GARIN1B: variants seen among roughly 807,000 people sequenced by gnomAD.
GARIN1B encodes golgi associated RAB2 interactor 1B, also known as Golgi-associated RAB2 interactor protein 1B.
chr7:128,727,104 C>T, the GARIN1B span, among the ~76,000 whole-genome samples: 2 of 152,180 alleles, frequency 1.3e-5, no homozygotes, highest in South Asian at 4.1e-4. Flanking sequence ...TTCATTTCTA[C>T]ACCCACAGAC....
chr7:128,714,573 C>A, the GARIN1B span, among the ~76,000 whole-genome samples: 1 of 59,188 alleles, frequency 1.7e-5, no homozygotes, highest in Non-Finnish European at 3.4e-5. Context: ...GAGCGAGACT[C>A]CATCTCAAAA....
chr7:128,709,885 G>A, the GARIN1B span, among the ~76,000 whole-genome samples: 4 of 151,828 alleles, frequency 2.6e-5, no homozygotes, highest in African/African-American at 9.7e-5. Flanking sequence ...CTGAGTAGCT[G>A]GGATTACAGG....
chr7:128,710,532 TATG>T, the GARIN1B span, among the ~76,000 whole-genome samples: 10 of 151,986 alleles, frequency 6.6e-5, no homozygotes, highest in African/African-American at 2.4e-4. Flanking sequence ...AGCTTTATTG[TATG>T]ATATTTATCC....
chr7:128,728,574 G>A, the GARIN1B span, among the ~76,000 whole-genome samples: 19,435 of 152,252 alleles, frequency 0.13, 1,602 homozygotes, highest in Admixed American at 0.21. Context: ...ACAGCAGGGA[G>A]TGGTGGGGAT....
At chr7:128,723,285 T>A in the GARIN1B span, 2 of 1,613,004 alleles carry the variant, frequency 1.2e-6, no homozygotes, top group African/African-American at 1.3e-5. Flanking sequence ...CTGTCTCAGA[T>A]TTTTGCCGAC....
chr7:128,715,369 A>G, the GARIN1B span: 1 of 1,567,602 alleles, frequency 6.4e-7, no homozygotes, highest in Non-Finnish European at 8.6e-7. Context: ...GGGCTTGGCC[A>G]GCTGCCCAAG....
At chr7:128,716,726 A>T in the GARIN1B span, 1 of 1,104,380 alleles carries the variant, frequency 9.1e-7, no homozygotes, top group Non-Finnish European at 1.3e-6. Context: ...CCAAAACATT[A>T]ATAGTGTCGA....
At chr7:128,724,233 A>T in the GARIN1B span, among the ~76,000 whole-genome samples, 1 of 152,098 alleles carries the variant, frequency 6.6e-6, no homozygotes, top group Non-Finnish European at 1.5e-5. Context: ...CTGGTCTCGA[A>T]TTCCTGACCT....
the GARIN1B span, chr7:128,719,178 CA>C: frequency 7.8e-7 from 1 of 1,284,422 alleles, no homozygotes; most frequent in Non-Finnish European, 1.1e-6. Context: ...AAGGTGATCT[CA>C]GTGTGAGGCC....
At chr7:128,710,412 T>C in the GARIN1B span, among the ~76,000 whole-genome samples, 1 of 152,340 alleles carries the variant, frequency 6.6e-6, no homozygotes, top group East Asian at 1.9e-4. Flanking sequence ...TTCATTACTT[T>C]TTTGAATTTC....
chr7:128,730,403 T>C, the GARIN1B span, among the ~76,000 whole-genome samples: 4 of 152,158 alleles, frequency 2.6e-5, no homozygotes, highest in Admixed American at 2.0e-4. Context: ...AAGGGCCTTC[T>C]TACTGCTTGG....
At chr7:128,731,316 A>G in the GARIN1B span, 32 of 624,580 alleles carry the variant, frequency 5.1e-5, no homozygotes, top group Non-Finnish European at 8.6e-5. Context: ...TGCCACCTCC[A>G]TGCCACTGCC....
chr7:128,724,883 A>G, the GARIN1B span: 1 of 1,285,334 alleles, frequency 7.8e-7, no homozygotes, highest in Non-Finnish European at 1.0e-6. Flanking sequence ...AGCAACGAAG[A>G]GCTCGCAAAG....
At chr7:128,724,079 C>T in the GARIN1B span, among the ~76,000 whole-genome samples, 228 of 152,270 alleles carry the variant, frequency 1.5e-3, no homozygotes, top group Non-Finnish European at 2.6e-3. Context: ...GGCACAGTCT[C>T]GGCTCACTGC....
At chr7:128,711,972 C>T in the GARIN1B span, among the ~76,000 whole-genome samples, 771 of 152,220 alleles carry the variant, frequency 5.1e-3, 4 homozygotes, top group Non-Finnish European at 8.3e-3. Flanking sequence ...ACCTGGGAGG[C>T]GGAGGTTGCA....
At chr7:128,714,128 G>C in the GARIN1B span, 1 of 1,536,080 alleles carries the variant, frequency 6.5e-7, no homozygotes, top group East Asian at 2.4e-5. Context: ...TGATGGAATT[G>C]GATGGTGAGA....
chr7:128,716,873 G>C, the GARIN1B span: 1 of 1,613,948 alleles, frequency 6.2e-7, no homozygotes, highest in Non-Finnish European at 8.5e-7. Context: ...GGCCCTGGGG[G>C]TGACCTCCTC....
the GARIN1B span, among the ~76,000 whole-genome samples, chr7:128,726,362 A>G: frequency 5.9e-5 from 9 of 152,212 alleles, no homozygotes; most frequent in Non-Finnish European, 1.3e-4. Context: ...CTTCATTGCT[A>G]TCTTGATAAT....
chr7:128,724,258 G>A, the GARIN1B span, among the ~76,000 whole-genome samples: 1 of 152,210 alleles, frequency 6.6e-6, no homozygotes, highest in Admixed American at 6.5e-5. Context: ...TGATCCACCT[G>A]TCTCAGCCTC....
Sources: gnomAD v4.1 joint callset for allele counts (sites outside exome capture counted in the v4.1 genomes callset) on GRCh38, gnomAD v4.1.1 for gene constraint, MANE v1.5 for transcripts, NCBI Gene and HGNC (gene_info 2026-07-23, HGNC 2026-07-21) for gene names.